FMN2: variants seen among roughly 807,000 people sequenced by gnomAD.
The protein encoded by FMN2 is formin-2.
A neutral mutation model predicts 142.3 loss-of-function variants in FMN2; 51 were observed. The observed-to-expected ratio is 0.36, with a 90% confidence interval of 0.29 to 0.45. The LOEUF (loss-of-function observed/expected upper bound fraction) is 0.45. FMN2 is among the 20% of genes least tolerant of loss of function. FMN2 has a pLI of 1.00. For missense variants in FMN2, 1,936 were observed against 2,122.8 expected (o/e 0.91, Z 1.73); for synonymous variants, 882 against 869.8 (o/e 1.01, Z -0.25).
chr1:240,419,891 T>A (rs1420153890), intron 15 of FMN2, among the ~76,000 whole-genome samples: 2 of 152,084 alleles, frequency 1.3e-5, no homozygotes, highest in African/African-American at 4.8e-5. Context: ...CCCTTTTCTG[T>A]GGTCATAGAG....
chr1:240,204,861 CCTTT>C (rs1386130179), intron 4 of FMN2, among the ~76,000 whole-genome samples: 3 of 152,038 alleles, frequency 2.0e-5, no homozygotes, highest in Admixed American at 1.3e-4. Context: ...TAGTAAATAC[CCTTT>C]CTGTCTTGTC....
intron 4 of FMN2, among the ~76,000 whole-genome samples, chr1:240,199,197 A>G (rs528624287): frequency 6.6e-6 from 1 of 152,358 alleles, no homozygotes; most frequent in Admixed American, 6.5e-5. Flanking sequence ...GTCTAGAGGT[A>G]TCCTAACCTG....
chr1:240,367,734 C>G (rs1383065932), intron 14 of FMN2, among the ~76,000 whole-genome samples: 1 of 139,898 alleles, frequency 7.1e-6, no homozygotes, highest in African/African-American at 2.8e-5. Flanking sequence ...CGCCACTGCA[C>G]TCTAGCCTGG....
intron 4 of FMN2, among the ~76,000 whole-genome samples, chr1:240,198,888 C>G (rs890118481): frequency 2.0e-5 from 3 of 152,140 alleles, no homozygotes; most frequent in African/African-American, 4.8e-5. Flanking sequence ...GGGCGTATCA[C>G]GATGTCAGGA....
At chr1:240,294,089 T>C (rs1669885216) in intron 7 of FMN2, among the ~76,000 whole-genome samples, 2 of 152,294 alleles carry the variant, frequency 1.3e-5, no homozygotes, top group Non-Finnish European at 2.9e-5. Flanking sequence ...TTCTACCAAA[T>C]ATCCATGTAG....
At chr1:240,144,650 G>T in intron 2 of FMN2, 1 of 1,290,502 alleles carries the variant, frequency 7.7e-7, no homozygotes, top group Non-Finnish European at 1.1e-6. Flanking sequence ...TGAGTTCTCA[G>T]GCTCAGACAC....
At chr1:240,410,859 A>G (rs1674364347) in intron 15 of FMN2, among the ~76,000 whole-genome samples, 1 of 152,206 alleles carries the variant, frequency 6.6e-6, no homozygotes, top group African/African-American at 2.4e-5. Flanking sequence ...TAGTACCACA[A>G]GGCTGATAAC....
intron 16 of FMN2, among the ~76,000 whole-genome samples, chr1:240,445,042 G>T (rs1675757360): frequency 6.6e-6 from 1 of 152,158 alleles, no homozygotes. Flanking sequence ...GACCCATAAA[G>T]AAATCCTCTT....
chr1:240,436,366 GCT>G (rs747358877), intron 15 of FMN2, among the ~76,000 whole-genome samples: 61 of 152,318 alleles, frequency 4.0e-4, no homozygotes, highest in South Asian at 1.9e-3. Context: ...GAATCTTGCT[GCT>G]CAGAGACAGC....
intron 8 of FMN2, among the ~76,000 whole-genome samples, chr1:240,326,464 C>T (rs1023014800): frequency 6.6e-6 from 1 of 152,006 alleles, no homozygotes; most frequent in Non-Finnish European, 1.5e-5. Context: ...TGATGAATTT[C>T]ATCCTTCTCT....
chr1:240,377,864 C>G (rs780098818), intron 14 of FMN2, among the ~76,000 whole-genome samples: 1 of 151,882 alleles, frequency 6.6e-6, no homozygotes, highest in African/African-American at 2.4e-5. Context: ...AATTAATTCC[C>G]CCATAATTTA....
At chr1:240,418,833 A>T (rs1674669054) in intron 15 of FMN2, among the ~76,000 whole-genome samples, 1 of 152,156 alleles carries the variant, frequency 6.6e-6, no homozygotes. Flanking sequence ...ATAGCTGTGC[A>T]TGGTGGCTCA....
At position 240,208,365 on chromosome 1, in the gene FMN2, C is replaced by T. The variant is rs781399912; in HGVS notation, c.3553C>T (p.Pro1185Ser). 3 of 1,550,872 alleles carry T rather than the reference C, an allele frequency of 1.9e-6. No homozygotes were observed. The South Asian group carries it at 3.5e-5, about 18-fold the overall frequency. ...PPPPLPGVGI[P>S]PPPPLPGVGI... ...GCCCCCTCTACCTGGAGTGGGAATA[C>T]CTCCTCCGCCCCCTCTACCTGGAGT... Residue 1185 changes from proline to serine, a missense_variant, in exon 5 of 18, where the codon CCT becomes TCT. Physicochemically the swap from Pro to Ser is moderately conservative, Grantham distance 74. Around this residue, in one of 8 missense-constraint regions of FMN2, gnomAD observed 259 missense variants for 230.9 expected, o/e 1.12. Coordinates refer to ENST00000319653, the MANE Select transcript of FMN2 (RefSeq NM_020066.5).
intron 3 of FMN2, among the ~76,000 whole-genome samples, chr1:240,184,928 A>T (rs12142486): frequency 8.4e-4 from 70 of 83,176 alleles, no homozygotes; most frequent in African/African-American, 2.8e-3. Flanking sequence ...TGTTCCCTTT[A>T]CTTTCTCCCT....
At chr1:240,322,392 A>G (rs902806168) in intron 8 of FMN2, among the ~76,000 whole-genome samples, 1 of 152,092 alleles carries the variant, frequency 6.6e-6, no homozygotes, top group Non-Finnish European at 1.5e-5. Flanking sequence ...ATGATATTAT[A>G]CTAATTCAGT....
chr1:240,146,898 G>T (rs1663506092), intron 2 of FMN2, among the ~76,000 whole-genome samples: 1 of 152,034 alleles, frequency 6.6e-6, no homozygotes. Context: ...TTGATAGAAT[G>T]GGAATTTCAG....
In FMN2 at chr1:240,123,044, G is replaced by T. The variant is rs143123577; in HGVS notation, c.1616-135G>T. The T allele has an allele frequency of 4.0e-5, 36 of 902,894 alleles. No homozygotes were observed. The East Asian group carries it at 6.6e-4, about 17-fold the overall frequency. The allele number at this position is 902,894 out of a possible 1,614,324, so 55.9% of individuals were successfully genotyped here. The stretch of plus-strand genomic sequence containing the variant: ...ACAGAGCTTTCTCCTAGCTTGAGAG[G>T]CTCCTTTCTGCGCTGTCAGTAGCCT... On this transcript the variant is annotated intron_variant, in intron 1 of 17. Transcript: ENST00000319653.
chr1:240,324,828 C>G (rs529050422), intron 8 of FMN2, among the ~76,000 whole-genome samples: 4 of 152,118 alleles, frequency 2.6e-5, no homozygotes, highest in South Asian at 4.1e-4. Context: ...TGTAGCTGTA[C>G]TACGTTATAG....
intron 3 of FMN2, 41 bp from the exon 4 acceptor site, chr1:240,188,166 G>C: frequency 2.5e-6 from 4 of 1,587,034 alleles, no homozygotes; most frequent in Non-Finnish European, 3.4e-6. Context: ...TAGGAAAATT[G>C]TCCTTTAAGA....
Sources: gnomAD v4.1 joint callset for allele counts (sites outside exome capture counted in the v4.1 genomes callset) on GRCh38, gnomAD v4.1.1 for gene constraint, gnomAD v4.1.1 regional missense constraint, MANE v1.5 for transcripts, NCBI Gene and HGNC (gene_info 2026-07-23, HGNC 2026-07-21) for gene names.